The following TMPRSS15 variants were observed in gnomAD, a reference collection of about 807,000 sequenced individuals.
TMPRSS15 encodes the protein enteropeptidase.
TMPRSS15 carries 128 observed loss-of-function variants against 125.3 expected under a neutral mutation model. The observed-to-expected ratio is 1.02, with a 90% CI of 0.89 to 1.18. TMPRSS15 has a LOEUF of 1.18. TMPRSS15 is among the 50% of genes most tolerant of loss of function. The pLI is 0.00. For synonymous variants in TMPRSS15, 446 were observed against 423.2 expected, an observed-to-expected ratio of 1.05 and a Z score of -0.66; for missense variants, 1,283 against 1,212.7, an observed-to-expected ratio of 1.06 and a Z score of -0.86.
Position 18,403,609 on chromosome 21 carries a change from CT to C in TMPRSS15, c.13del (p.Arg5GlufsTer25). Reference sequence around the variant, plus strand: ...AGAATGATGCCTAGAAGATATGCCTCTTTTCGACCCCATTTTTGGTTTTGAA... The same window carrying C: ...AGAATGATGCCTAGAAGATATGCCTCTTTCGACCCCATTTTTGGTTTTGAA... MGSK[R>X]GISSRHHSLS... On this transcript the variant is annotated frameshift_variant, in exon 1 of 25. Coordinates refer to ENST00000284885, the MANE Select transcript of TMPRSS15 (RefSeq NM_002772.3). LOFTEE classifies it high-confidence loss of function. 1 of 1,614,106 alleles carries C rather than the reference CT, an allele frequency of 6.2e-7. No homozygotes were observed. The highest frequency in any genetic ancestry group is 8.5e-7 in the Non-Finnish European group (1 of 1,179,984).
At chr21:18,358,649 G>A (rs985484758) in intron 8 of TMPRSS15, among the ~76,000 whole-genome samples, 3 of 151,830 alleles carry the variant, frequency 2.0e-5, no homozygotes, top group Admixed American at 1.3e-4. Flanking sequence ...AAGTCAGAGA[G>A]TTTGGGCTTT....
chr21:18,323,703 TATA>T (rs2075262998), intron 16 of TMPRSS15, among the ~76,000 whole-genome samples: 1 of 152,208 alleles, frequency 6.6e-6, no homozygotes, highest in South Asian at 2.1e-4. Flanking sequence ...TCTTTAAAAG[TATA>T]ATACTTCTTT....
intron 24 of TMPRSS15, among the ~76,000 whole-genome samples, chr21:18,274,472 A>G (rs946682484): frequency 2.0e-5 from 3 of 152,214 alleles, no homozygotes; most frequent in Admixed American, 6.5e-5. Flanking sequence ...GTGGCAAGAT[A>G]TTTCAGTGAA....
chr21:18,473,616 A>G (rs1978821197), intron 1 of TMPRSS15, among the ~76,000 whole-genome samples: 1 of 152,120 alleles, frequency 6.6e-6, no homozygotes, highest in South Asian at 2.1e-4. Flanking sequence ...AATATTTGGA[A>G]TAAAATATTT....
chr21:18,289,724 T>G (rs2074811027), intron 21 of TMPRSS15, among the ~76,000 whole-genome samples: 1 of 152,200 alleles, frequency 6.6e-6, no homozygotes, highest in Non-Finnish European at 1.5e-5. Context: ...CTGTCACTAA[T>G]TTCATCTTTA....
At chr21:18,387,245 A>G (rs2075951669) in intron 3 of TMPRSS15, among the ~76,000 whole-genome samples, 1 of 152,200 alleles carries the variant, frequency 6.6e-6, no homozygotes, top group South Asian at 2.1e-4. Context: ...GACCATTTTC[A>G]TTTCAAAGTA....
At chr21:18,310,290 C>A (rs1293407317) in intron 18 of TMPRSS15, among the ~76,000 whole-genome samples, 1 of 152,056 alleles carries the variant, frequency 6.6e-6, no homozygotes. Flanking sequence ...TCATAGATGA[C>A]ATGATCTTAT....
intron 16 of TMPRSS15, among the ~76,000 whole-genome samples, chr21:18,324,411 A>G (rs2075269312): frequency 6.6e-6 from 1 of 152,136 alleles, no homozygotes; most frequent in African/African-American, 2.4e-5. Context: ...AGACCAGAAA[A>G]CTAGGTGGTT....
intron 1 of TMPRSS15, among the ~76,000 whole-genome samples, chr21:18,457,351 C>G (rs1211153306): frequency 6.6e-6 from 1 of 152,086 alleles, no homozygotes; most frequent in African/African-American, 2.4e-5. Flanking sequence ...GAGACACGTA[C>G]GTTTCTCACC....
At chr21:18,431,919 A>G (rs1481232934) in intron 1 of TMPRSS15, among the ~76,000 whole-genome samples, 3 of 152,180 alleles carry the variant, frequency 2.0e-5, no homozygotes, top group Admixed American at 6.6e-5. Flanking sequence ...TAACAGAAAA[A>G]GTATATATGT....
chr21:18,422,102 G>C (rs1033875115), intron 1 of TMPRSS15, among the ~76,000 whole-genome samples: 1 of 151,144 alleles, frequency 6.6e-6, no homozygotes, highest in African/African-American at 2.4e-5. Context: ...TTCTGCCTCA[G>C]CCTCCTGAGT....
intron 1 of TMPRSS15, among the ~76,000 whole-genome samples, chr21:18,476,776 G>T (rs1026269246): frequency 2.0e-5 from 3 of 152,098 alleles, no homozygotes; most frequent in Admixed American, 1.3e-4. Context: ...CACTTATAAG[G>T]ATTTCTAGGC....
rs536014574 is a variant in TMPRSS15 at position 18,345,609 on chromosome 21, C to T, written c.1172-1549G>A. Among the ~76,000 whole-genome samples, 777 of 146,952 alleles carry T rather than the reference C, an allele frequency of 5.3e-3. 7 individuals carry two copies. The highest frequency in any genetic ancestry group is 0.018 in the African/African-American group (721 of 39,938). On this transcript the variant is annotated intron_variant, in intron 10 of 24. Coordinates refer to ENST00000284885, the MANE Select transcript of TMPRSS15 (RefSeq NM_002772.3). ...ACAAAAAATTAGCTGGGCGTGGTGG[C>T]GGGCGCCTGTAGTCCCAGCTACTCG... is the stretch of plus-strand genomic sequence containing the variant.
At chr21:18,316,469 A>G (rs57837813) in intron 16 of TMPRSS15, among the ~76,000 whole-genome samples, 52,071 of 151,912 alleles carry the variant, frequency 0.34, 9,093 homozygotes, top group East Asian at 0.58. Context: ...AGAAGGCTCA[A>G]TTAAAGCTTG....
At chr21:18,314,660 G>T (rs2075141898) in intron 17 of TMPRSS15, among the ~76,000 whole-genome samples, 1 of 152,000 alleles carries the variant, frequency 6.6e-6, no homozygotes, top group African/African-American at 2.4e-5. Flanking sequence ...TTAAATATTT[G>T]CTTAGAAATA....
intron 1 of TMPRSS15, among the ~76,000 whole-genome samples, chr21:18,484,922 T>G (rs1979051339): frequency 6.6e-6 from 1 of 151,884 alleles, no homozygotes; most frequent in Non-Finnish European, 1.5e-5. Context: ...ATTCATAAAT[T>G]TTATAATCAA....
intron 10 of TMPRSS15, among the ~76,000 whole-genome samples, chr21:18,345,467 A>C (rs563718591): frequency 5.9e-5 from 9 of 151,936 alleles, no homozygotes; most frequent in Non-Finnish European, 1.0e-4. Context: ...AATGGCTGGG[A>C]GCGGTGGCTC....
chr21:18,274,628 G>A (rs67920992), intron 24 of TMPRSS15, among the ~76,000 whole-genome samples: 22,879 of 152,126 alleles, frequency 0.15, 2,248 homozygotes, highest in African/African-American at 0.29. Flanking sequence ...TAATATAAAA[G>A]CCAGAGCCAG....
chr21:18,452,484 C>A (rs756749852), intron 1 of TMPRSS15, among the ~76,000 whole-genome samples: 2 of 151,990 alleles, frequency 1.3e-5, no homozygotes, highest in Non-Finnish European at 2.9e-5. Context: ...CGCAACATGG[C>A]GAAACCATGT....
Sources: allele counts gnomAD v4.1 joint callset (sites outside exome capture counted in the v4.1 genomes callset), GRCh38; gene constraint gnomAD v4.1.1; transcripts MANE v1.5; gene names NCBI Gene and HGNC (gene_info 2026-07-23, HGNC 2026-07-21).